COL25A1: variants seen among roughly 807,000 people sequenced by gnomAD.
The protein encoded by COL25A1 is collagen type XXV alpha 1 chain, also known as collagen alpha-1(XXV) chain.
A neutral mutation model predicts 128.4 loss-of-function variants in COL25A1; 103 were observed. The observed-to-expected ratio is 0.80, with a 90% CI of 0.68 to 0.94. The LOEUF (loss-of-function observed/expected upper bound fraction) is 0.94, where lower values mean the gene tolerates loss of function less well. Ranked by LOEUF, COL25A1 falls within the 40% of genes least tolerant of loss-of-function variation. COL25A1 has a pLI of 0.00. For synonymous variants in COL25A1, 279 were observed against 277.2 expected, an observed-to-expected ratio of 1.01 and a Z score of -0.06; for missense variants, 745 against 840.0, an observed-to-expected ratio of 0.89 and a Z score of 1.40.
At chr4:109,082,244 T>A (rs1046937550) in intron 3 of COL25A1, among the ~76,000 whole-genome samples, 2 of 152,234 alleles carry the variant, frequency 1.3e-5, no homozygotes, top group South Asian at 4.1e-4. Context: ...TGGTTAGCTG[T>A]TAAAAATAAT....
At chr4:109,214,082 T>C (rs1777796364) in intron 3 of COL25A1, among the ~76,000 whole-genome samples, 1 of 152,020 alleles carries the variant, frequency 6.6e-6, no homozygotes, top group Admixed American at 6.6e-5. Context: ...ATGACATCTA[T>C]TGGTAAGATT....
rs748757591 is a variant in COL25A1, at chr4:108,817,414, G to A, written c.1945C>T (p.Pro649Ser). 2 of 1,613,370 alleles carry A rather than the reference G, an allele frequency of 1.2e-6. No homozygotes were observed. The highest frequency in any genetic ancestry group is 2.2e-5 in the South Asian group (2 of 91,024). ...CQLGPDGLPMPGCWQK is the reference protein window; with the variant it reads ...CQLGPDGLPMSGCWQK ...AAGCCTACCTTTTGCCAACAGCCAG[G>A]CATGGGTAAGCCATCTGGCCCCTGT... The change falls in exon 37 of 38, where the codon CCT becomes TCT. Residue 649 changes from proline (P) to serine (S), a missense_variant. Physicochemically the swap from Pro to Ser is moderately conservative, Grantham distance 74 (BLOSUM62 -1). Around this residue, in one of 3 missense-constraint regions of COL25A1, gnomAD observed 387 missense variants for 441.9 expected, o/e 0.88. Transcript: ENST00000399132.
chr4:108,856,871 C>G (rs945556841), intron 24 of COL25A1, among the ~76,000 whole-genome samples: 2 of 151,976 alleles, frequency 1.3e-5, no homozygotes, highest in African/African-American at 2.4e-5. Context: ...AAAAATCACC[C>G]TAAGAATAGT....
intron 19 of COL25A1, among the ~76,000 whole-genome samples, chr4:108,880,588 T>G (rs1188512450): frequency 6.6e-6 from 1 of 152,170 alleles, no homozygotes; most frequent in Non-Finnish European, 1.5e-5. Flanking sequence ...TTGGCAATAT[T>G]TTAGGAACTT....
At chr4:109,146,098 G>A (rs1770918686) in intron 3 of COL25A1, among the ~76,000 whole-genome samples, 1 of 152,026 alleles carries the variant, frequency 6.6e-6, no homozygotes, top group Non-Finnish European at 1.5e-5. Flanking sequence ...TGAAATACTA[G>A]TATCAAAAGA....
chr4:109,024,002 ACG>A (rs1758002868), intron 5 of COL25A1, among the ~76,000 whole-genome samples: 1 of 152,174 alleles, frequency 6.6e-6, no homozygotes, highest in Non-Finnish European at 1.5e-5. Context: ...TCTTCTGTGT[ACG>A]TTATTTCATG....
At chr4:109,265,069 G>A (rs1463823858) in intron 3 of COL25A1, among the ~76,000 whole-genome samples, 1 of 152,072 alleles carries the variant, frequency 6.6e-6, no homozygotes, top group Non-Finnish European at 1.5e-5. Flanking sequence ...TCATGATCTT[G>A]TTCAGACATA....
chr4:109,213,166 G>A (rs1777713177), intron 3 of COL25A1, among the ~76,000 whole-genome samples: 1 of 152,086 alleles, frequency 6.6e-6, no homozygotes, highest in African/African-American at 2.4e-5. Context: ...GGTATCTATT[G>A]ACTTGCTTCT....
At chr4:109,050,737 G>A (rs10032045) in intron 3 of COL25A1, among the ~76,000 whole-genome samples, 2,102 of 152,112 alleles carry the variant, frequency 0.014, 31 homozygotes, top group Middle Eastern at 0.037. Context: ...ACAACCACCT[G>A]AATAAAATCA....
At chr4:109,284,112 A>C (rs1723637599) in intron 3 of COL25A1, among the ~76,000 whole-genome samples, 1 of 152,226 alleles carries the variant, frequency 6.6e-6, no homozygotes, top group Admixed American at 6.5e-5. Context: ...CTTCTTCCTT[A>C]CAACATTTGT....
chr4:109,129,418 T>C (rs1379195205), intron 3 of COL25A1, among the ~76,000 whole-genome samples: 1 of 152,136 alleles, frequency 6.6e-6, no homozygotes, highest in Non-Finnish European at 1.5e-5. Context: ...CATGAGCCAC[T>C]GCGCCCAGCC....
intron 3 of COL25A1, among the ~76,000 whole-genome samples, chr4:109,258,157 G>A (rs1781197917): frequency 6.6e-6 from 1 of 151,008 alleles, no homozygotes; most frequent in South Asian, 2.1e-4. Flanking sequence ...TACTGGCTTG[G>A]TCTCCAGTTT....
At chr4:109,136,321 C>T (rs1769755841) in intron 3 of COL25A1, among the ~76,000 whole-genome samples, 1 of 152,072 alleles carries the variant, frequency 6.6e-6, no homozygotes, top group East Asian at 1.9e-4. Flanking sequence ...ATCGCTTAAG[C>T]CTGGGAGGCG....
In COL25A1 at chr4:108,889,829, G is replaced by C. The variant is rs573431663; in HGVS notation, c.907-96C>G. ...CCATCACCAACACAGGTACTCAAAG[G>C]GTATCTCATGACTAATGTGCCTAAC... On this transcript the variant is annotated intron_variant, in intron 16 of 37. Coordinates refer to ENST00000399132, the MANE Select transcript of COL25A1 (RefSeq NM_198721.4). 1.6e-4 allele frequency: 172 copies of C among 1,074,836 alleles called. No homozygotes were observed. The East Asian group carries it at 3.7e-3, about 23-fold the overall frequency. The allele number at this position is 1,074,836 out of a possible 1,614,324, so 66.6% of individuals were successfully genotyped here. A position where few individuals can be genotyped will look rare whatever the true frequency, so the allele number is the denominator to read the frequency against.
At chr4:109,107,500 C>T (rs1201221168) in intron 3 of COL25A1, among the ~76,000 whole-genome samples, 1 of 152,058 alleles carries the variant, frequency 6.6e-6, no homozygotes, top group Non-Finnish European at 1.5e-5. Context: ...AGGAAACTAA[C>T]CACTTGTCAT....
At chr4:108,930,779 G>A (rs1746648633) in intron 11 of COL25A1, among the ~76,000 whole-genome samples, 1 of 152,132 alleles carries the variant, frequency 6.6e-6, no homozygotes, top group Non-Finnish European at 1.5e-5. Flanking sequence ...TAAAGGTTGG[G>A]GGATAGAACA....
chr4:109,288,865 T>A (rs1308836946), intron 3 of COL25A1, among the ~76,000 whole-genome samples: 1 of 151,078 alleles, frequency 6.6e-6, no homozygotes, highest in Non-Finnish European at 1.5e-5. Context: ...TTAACAGAAA[T>A]GAAAACATTC....
chr4:108,993,265 G>C (rs1271696716), intron 6 of COL25A1, among the ~76,000 whole-genome samples: 1 of 152,032 alleles, frequency 6.6e-6, no homozygotes, highest in Non-Finnish European at 1.5e-5. Context: ...TTCCACATAC[G>C]CATGAGAACA....
At chr4:108,909,114 C>G (rs925871100) in intron 13 of COL25A1, among the ~76,000 whole-genome samples, 3 of 152,128 alleles carry the variant, frequency 2.0e-5, no homozygotes, top group Admixed American at 6.6e-5. Context: ...TTTACAAGAA[C>G]AGTTTAGCTT....
Sources: gnomAD v4.1 joint callset for allele counts (sites outside exome capture counted in the v4.1 genomes callset) on GRCh38, gnomAD v4.1.1 for gene constraint, gnomAD v4.1.1 regional missense constraint, MANE v1.5 for transcripts, NCBI Gene and HGNC (gene_info 2026-07-23, HGNC 2026-07-21) for gene names.